The following ARHGEF4 variants were observed in gnomAD, a reference collection of about 807,000 sequenced individuals.
ARHGEF4 encodes APC-stimulated guanine nucleotide exchange factor 1.
In ARHGEF4, 119 loss-of-function variants were observed where a neutral mutation model predicts 162.0. The ratio of observed to expected loss-of-function variants is 0.73; its 90% CI spans 0.63 to 0.86. The LOEUF (loss-of-function observed/expected upper bound fraction) is 0.86, where lower values mean the gene tolerates loss of function less well. Among genes scored for constraint, ARHGEF4 ranks in the 40% least tolerant of loss-of-function variants. The pLI, the probability that ARHGEF4 is intolerant of heterozygous loss-of-function variation, is 0.00. For synonymous variants in ARHGEF4, 1,014 were observed against 979.9 expected, an observed-to-expected ratio of 1.03 and a Z score of -0.65; for missense variants, 2,488 against 2,456.0, an observed-to-expected ratio of 1.01 and a Z score of -0.28.
intron 1 of ARHGEF4, chr2:130,837,409 G>A (rs1680270490): frequency 6.1e-6 from 2 of 329,154 alleles, no homozygotes; most frequent in Non-Finnish European, 5.9e-6. Context: ...TGGGAAGGAG[G>A]GCTGGTGCCG....
chr2:131,021,797 T>G (rs1689154157), intron 4 of ARHGEF4, among the ~76,000 whole-genome samples: 1 of 152,296 alleles, frequency 6.6e-6, no homozygotes, highest in Admixed American at 6.5e-5. Context: ...ATGTTGGCTG[T>G]GAGATTTTCA....
chr2:130,915,392 T>A lies in ARHGEF4; in HGVS notation c.1446T>A (p.Ala482=), dbSNP rs899792923. 1.3e-6 allele frequency: 2 copies of A among 1,550,518 alleles called. No homozygotes were observed. Among genetic ancestry groups the A allele is most frequent in the Non-Finnish European group, 1.7e-6 (2 of 1,147,002 alleles). Reference sequence around the variant, plus strand: ...AAGGCACCCAACTCGCACCAAGAGCTGCTGATGAGAGAGAGACACAGAAGC... The same window carrying A: ...AAGGCACCCAACTCGCACCAAGAGCAGCTGATGAGAGAGAGACACAGAAGC... The part of the protein sequence containing the change: ...EPQGTQLAPR[A]ADERETQKHL... Residue 482 remains alanine (A), a synonymous_variant, in exon 2 of 14, where the codon GCT becomes GCA. Coordinates refer to ENST00000409359, the MANE Select transcript of ARHGEF4 (RefSeq NM_001367493.1).
chr2:131,044,247 A>G (rs1691054457), intron 11 of ARHGEF4, 52 bp from the exon 12 acceptor site: 1 of 1,598,644 alleles, frequency 6.3e-7, no homozygotes, highest in East Asian at 2.3e-5. Context: ...AGCAGCCAGG[A>G]AATGGTCAGG....
intron 2 of ARHGEF4, among the ~76,000 whole-genome samples, chr2:130,925,088 G>GTGTC (rs1187750270): frequency 8.2e-5 from 12 of 146,630 alleles, no homozygotes; most frequent in African/African-American, 3.1e-4. Flanking sequence ...GTGCGTCTGA[G>GTGTC]AGAGAGAGAG....
intron 1 of ARHGEF4, among the ~76,000 whole-genome samples, chr2:130,874,929 C>G (rs781680902): frequency 1.3e-5 from 2 of 152,114 alleles, no homozygotes; most frequent in Non-Finnish European, 2.9e-5. Flanking sequence ...GAGACTCATC[C>G]AAGTTGTGCA....
chr2:131,033,627 G>A (rs1690019726), intron 5 of ARHGEF4, among the ~76,000 whole-genome samples: 1 of 152,188 alleles, frequency 6.6e-6, no homozygotes, highest in Admixed American at 6.5e-5. Context: ...CATCTTACTA[G>A]AGGACTGCTG....
chr2:131,020,943 T>C (rs1281108236), intron 4 of ARHGEF4, among the ~76,000 whole-genome samples: 2 of 152,226 alleles, frequency 1.3e-5, no homozygotes, highest in Non-Finnish European at 2.9e-5. Flanking sequence ...TGGCCAGTGA[T>C]GATGAGCATT....
At chr2:130,985,738 T>G (rs930706932) in intron 4 of ARHGEF4, among the ~76,000 whole-genome samples, 1 of 152,152 alleles carries the variant, frequency 6.6e-6, no homozygotes, top group African/African-American at 2.4e-5. Context: ...TTCAAGTGTC[T>G]TGTGTGTGTG....
At chr2:130,945,435 C>T (rs1683550837) in intron 3 of ARHGEF4, among the ~76,000 whole-genome samples, 3 of 152,084 alleles carry the variant, frequency 2.0e-5, no homozygotes, top group South Asian at 2.1e-4. Context: ...GATGTCTGCA[C>T]GACCACCACT....
chr2:130,995,761 A>T (rs1429135849), intron 4 of ARHGEF4, among the ~76,000 whole-genome samples: 1 of 152,050 alleles, frequency 6.6e-6, no homozygotes, highest in Non-Finnish European at 1.5e-5. Context: ...GAACTCGCCC[A>T]TGCTTCTAGC....
Position 131,040,104 on chromosome 2 carries a change from G to A in ARHGEF4, c.4394G>A (p.Ser1465Asn), listed in dbSNP as rs771423407. ...GAEDGGAEAQ[S>N]SKDQMRTNVI... ...GAGGACGGCGGGGCGGAGGCGCAGAGCAGCAAGGACCAGATGCGGACCAAC... is the reference window on the plus strand; with the variant it reads ...GAGGACGGCGGGGCGGAGGCGCAGAACAGCAAGGACCAGATGCGGACCAAC... The change falls in exon 7 of 14, where the codon AGC becomes AAC. Residue 1465 changes from serine (S) to asparagine (N), a missense_variant. Physicochemically the swap from Ser to Asn is conservative, Grantham distance 46 (BLOSUM62 1). Coordinates refer to ENST00000409359, the MANE Select transcript of ARHGEF4 (RefSeq NM_001367493.1). The A allele has an allele frequency of 1.9e-6, 3 of 1,612,256 alleles. No individual in the cohort carries two copies. Among genetic ancestry groups the A allele is most frequent in the African/African-American group, 1.3e-5 (1 of 75,008 alleles).
chr2:131,016,914 G>T (rs1387180915), intron 4 of ARHGEF4, among the ~76,000 whole-genome samples: 1 of 152,218 alleles, frequency 6.6e-6, no homozygotes, highest in Non-Finnish European at 1.5e-5. Context: ...GCCTTCCCTT[G>T]TAAGGGGAAG....
Position 130,897,729 on chromosome 2 carries a change from G to T in ARHGEF4, c.40-16257G>T, listed in dbSNP as rs976608998. Reference sequence around the variant, plus strand: ...TCTTCCATCTCAAGATGAGGAAGCTGAGGTTCAGGCAGGTCAGGTCCCTGA... The same window carrying T: ...TCTTCCATCTCAAGATGAGGAAGCTTAGGTTCAGGCAGGTCAGGTCCCTGA... On this transcript the variant is annotated intron_variant, in intron 1 of 13. Transcript: ENST00000409359. 5.9e-5 allele frequency among the ~76,000 whole-genome samples: 9 copies of T among 152,354 alleles called. 1 individual carries two copies. Among genetic ancestry groups the T allele is most frequent in the African/African-American group, 2.2e-4 (9 of 41,586 alleles).
At chr2:131,024,271 GT>G (rs1252937012) in intron 4 of ARHGEF4, among the ~76,000 whole-genome samples, 5 of 152,090 alleles carry the variant, frequency 3.3e-5, no homozygotes, top group African/African-American at 1.2e-4. Context: ...GTTTTGTTTT[GT>G]TTTTTGGGCG....
intron 3 of ARHGEF4, among the ~76,000 whole-genome samples, chr2:130,935,694 T>A (rs1351549104): frequency 6.6e-6 from 1 of 152,248 alleles, no homozygotes; most frequent in Non-Finnish European, 1.5e-5. Flanking sequence ...TCCATATATT[T>A]GTGAATTTTC....
chr2:130,963,997 C>A (rs1684816612), intron 4 of ARHGEF4: 1 of 230,836 alleles, frequency 4.3e-6, no homozygotes, highest in African/African-American at 2.3e-5. Context: ...ACCGCCGCCC[C>A]CGGCCCAGCC....
intron 1 of ARHGEF4, among the ~76,000 whole-genome samples, chr2:130,868,071 G>A (rs1481649167): frequency 4.6e-5 from 7 of 151,422 alleles, no homozygotes; most frequent in African/African-American, 1.5e-4. Flanking sequence ...GACTACAGGC[G>A]CCCGCCACCA....
chr2:131,036,727 C>T (rs1367524862), intron 5 of ARHGEF4, among the ~76,000 whole-genome samples: 2 of 152,218 alleles, frequency 1.3e-5, no homozygotes, highest in South Asian at 2.1e-4. Context: ...AGGCAGGAAC[C>T]TCCTGAGAAG....
At chr2:130,990,747 A>G (rs1228875445) in intron 4 of ARHGEF4, among the ~76,000 whole-genome samples, 1 of 152,142 alleles carries the variant, frequency 6.6e-6, no homozygotes, top group Non-Finnish European at 1.5e-5. Flanking sequence ...TGCAAGGCTT[A>G]GCGATGGAGC....
Sources: gnomAD v4.1 joint callset for allele counts (sites outside exome capture counted in the v4.1 genomes callset) on GRCh38, gnomAD v4.1.1 for gene constraint, MANE v1.5 for transcripts, NCBI Gene and HGNC (gene_info 2026-07-23, HGNC 2026-07-21) for gene names.